The following SNAP23 variants were observed in gnomAD, a reference collection of about 807,000 sequenced individuals.
SNAP23 encodes the protein synaptosomal-associated protein 23.
A neutral mutation model predicts 29.0 loss-of-function variants in SNAP23; 11 were observed. That is an observed-to-expected ratio of 0.38 (90% CI 0.24 to 0.63). SNAP23 has a LOEUF of 0.63. Among genes scored for constraint, SNAP23 ranks in the 20% least tolerant of loss-of-function variants. The pLI, the probability that SNAP23 is intolerant of heterozygous loss-of-function variation, is 0.58. For missense variants in SNAP23, 220 were observed against 253.9 expected, an observed-to-expected ratio of 0.87 and a Z score of 0.91; for synonymous variants, 60 against 82.9, an observed-to-expected ratio of 0.72 and a Z score of 1.50.
intron 3 of SNAP23, 30 bp from the exon 4 acceptor site, chr15:42,513,369 G>A: frequency 6.2e-7 from 1 of 1,605,248 alleles, no homozygotes; most frequent in African/African-American, 1.3e-5. Flanking sequence ...TTGTTTTGTT[G>A]TACTATCAGC....
At chr15:42,502,747 A>G (rs2057284086) in intron 1 of SNAP23, among the ~76,000 whole-genome samples, 1 of 152,138 alleles carries the variant, frequency 6.6e-6, no homozygotes, top group Admixed American at 6.6e-5. Context: ...TCTTTCACAT[A>G]GAACGTCCCC....
chr15:42,506,778 AT>A (rs1202486927), intron 1 of SNAP23, among the ~76,000 whole-genome samples: 1 of 151,098 alleles, frequency 6.6e-6, no homozygotes, highest in East Asian at 2.0e-4. Flanking sequence ...CATATGATCT[AT>A]TGTTTGTTAA....
chr15:42,507,767 A>C (rs957525591), intron 1 of SNAP23, among the ~76,000 whole-genome samples: 2 of 152,288 alleles, frequency 1.3e-5, no homozygotes, highest in Non-Finnish European at 2.9e-5. Flanking sequence ...GAACTTGAGG[A>C]GTATTATTCC....
At chr15:42,520,045 C>CTTTTTT (rs201577060) in intron 5 of SNAP23, among the ~76,000 whole-genome samples, 82 of 92,956 alleles carry the variant, frequency 8.8e-4, no homozygotes, top group African/African-American at 1.5e-3. Flanking sequence ...AACCCCCTTG[C>CTTTTTT]TTTTTTTTTT....
intron 4 of SNAP23, among the ~76,000 whole-genome samples, chr15:42,514,343 T>C (rs142659590): frequency 1.2e-3 from 182 of 152,188 alleles, no homozygotes; most frequent in African/African-American, 4.2e-3. Context: ...GGTTTCACCA[T>C]GTTGGCCAGG....
chr15:42,518,128 T>C (rs1283070610), intron 5 of SNAP23, among the ~76,000 whole-genome samples: 4 of 152,200 alleles, frequency 2.6e-5, no homozygotes, highest in Non-Finnish European at 5.9e-5. Flanking sequence ...AGATGTCTGA[T>C]TGTAATTGTC....
At position 42,531,786 on chromosome 15, in the gene SNAP23, A is replaced by G. The variant is rs534175283; in HGVS notation, c.*308A>G. 70 of 210,218 alleles carry G rather than the reference A, an allele frequency of 3.3e-4. No individual in the cohort carries two copies. The highest frequency in any genetic ancestry group is 1.6e-3 in the African/African-American group (69 of 43,768). 13.0% of individuals were successfully genotyped at this position (210,218 alleles called of 1,614,324 possible). On this transcript the variant is annotated 3_prime_UTR_variant, in exon 8 of 8. Coordinates refer to ENST00000249647, the MANE Select transcript of SNAP23 (RefSeq NM_003825.4). ...TCTTTTGCTTTCAAGATTTGGAAGC[A>G]TTGCCAAAGACAGCCATGAAGAAGG...
At chr15:42,503,886 GAA>G (rs2141508732) in intron 1 of SNAP23, among the ~76,000 whole-genome samples, 1 of 152,214 alleles carries the variant, frequency 6.6e-6, no homozygotes, top group South Asian at 2.1e-4. Context: ...ATGGTAAAAA[GAA>G]AAGAGTTTTT....
intron 5 of SNAP23, among the ~76,000 whole-genome samples, chr15:42,519,418 C>A (rs1458102504): frequency 6.7e-6 from 1 of 150,202 alleles, no homozygotes; most frequent in Non-Finnish European, 1.5e-5. Flanking sequence ...GTCACCCAGA[C>A]TGGAGTGCAG....
At position 42,532,535 on chromosome 15, in the gene SNAP23, A is replaced by C. The variant is rs1213688927; in HGVS notation, c.*1057A>C. 6.6e-6 allele frequency: 1 copy of C among 152,634 alleles called. No homozygotes were observed. The highest frequency in any genetic ancestry group is 1.5e-5 in the Non-Finnish European group (1 of 68,050). The allele number at this position is 152,634 out of a possible 1,614,324, so 9.5% of individuals were successfully genotyped here. ...ATATTATTAGTAGTATCATGGTTCC[A>C]TTACAGGCCTATTAACATCATACAT... is the stretch of plus-strand genomic sequence containing the variant. On this transcript the variant is annotated 3_prime_UTR_variant, in exon 8 of 8. Transcript: ENST00000249647.
Position 42,513,053 on chromosome 15 carries a change from A to T in SNAP23, c.99+57A>T. ...AGAAATTTATAGGAGCGATCCTAAT[A>T]CTTCTGGCTGGAATTAGTATTAAAG... is the stretch of plus-strand genomic sequence containing the variant. On this transcript the variant is annotated intron_variant, in intron 3 of 7. Coordinates refer to ENST00000249647, the MANE Select transcript of SNAP23 (RefSeq NM_003825.4). 2.4e-6 allele frequency: 3 copies of T among 1,227,000 alleles called. No individual in the cohort carries two copies. The South Asian group carries it at 3.6e-5, about 15-fold the overall frequency. The allele number at this position is 1,227,000 out of a possible 1,614,324, so 76.0% of individuals were successfully genotyped here.
At chr15:42,510,076 T>TA (rs1396623749) in intron 1 of SNAP23, among the ~76,000 whole-genome samples, 2 of 151,452 alleles carry the variant, frequency 1.3e-5, no homozygotes, top group Non-Finnish European at 2.9e-5. Context: ...CTCAAAAAAA[T>TA]AAAAAAAATA....
At chr15:42,529,621 G>T (rs1406362064) in intron 6 of SNAP23, 54 bp from the exon 7 acceptor site, 1 of 1,579,164 alleles carries the variant, frequency 6.3e-7, no homozygotes, top group East Asian at 2.2e-5. Context: ...AGTAAATCCA[G>T]ACTTTTATTT....
chr15:42,515,953 T>G (rs2057393551), intron 5 of SNAP23, among the ~76,000 whole-genome samples: 1 of 152,104 alleles, frequency 6.6e-6, no homozygotes, highest in Non-Finnish European at 1.5e-5. Flanking sequence ...GGAGGAACAG[T>G]GAGGGCATTT....
Position 42,511,874 on chromosome 15 carries a change from C to A in SNAP23, c.28C>A (p.Gln10Lys). The A allele has an allele frequency of 6.3e-7, 1 of 1,597,328 alleles. No homozygotes were observed. The highest frequency in any genetic ancestry group is 1.1e-5 in the South Asian group (1 of 87,482). The change falls in exon 2 of 8, where the codon CAA (glutamine) becomes AAA (lysine). Residue 10 changes from glutamine to lysine, a missense_variant. Gln to Lys is a moderately conservative substitution (Grantham distance 53). Coordinates refer to ENST00000249647, the MANE Select transcript of SNAP23 (RefSeq NM_003825.4). ...GGATAATCTGTCATCAGAAGAAATT[C>A]AACAGAGAGCTCACCAGATTACTGA... is the stretch of plus-strand genomic sequence containing the variant. MDNLSSEEI[Q>K]QRAHQITDES...
chr15:42,511,811 T>A (rs762598444), intron 1 of SNAP23, 22 bp from the exon 2 acceptor site: 3 of 1,452,148 alleles, frequency 2.1e-6, no homozygotes, highest in Non-Finnish European at 2.8e-6. Flanking sequence ...AATATCCACA[T>A]TTCCATTTCT....
chr15:42,491,787 G>T (rs1011161697), upstream of SNAP23, among the ~76,000 whole-genome samples: 4 of 152,140 alleles, frequency 2.6e-5, no homozygotes, highest in Non-Finnish European at 5.9e-5. Context: ...TCACCATGTT[G>T]CCCAGGCTGG....
intron 2 of SNAP23, chr15:42,512,374 C>CTTTTTT (rs5812224): frequency 2.1e-5 from 2 of 96,486 alleles, no homozygotes; most frequent in African/African-American, 3.7e-5. Context: ...GATCAACTTA[C>CTTTTTT]TTTTTTTTTT....
intron 1 of SNAP23, among the ~76,000 whole-genome samples, chr15:42,506,448 C>T (rs981758557): frequency 6.6e-6 from 1 of 152,158 alleles, no homozygotes; most frequent in Non-Finnish European, 1.5e-5. Context: ...GTTGTGTTGC[C>T]TAGGCTGGTC....
Sources: gnomAD v4.1 joint callset for allele counts (sites outside exome capture counted in the v4.1 genomes callset) on GRCh38, gnomAD v4.1.1 for gene constraint, MANE v1.5 for transcripts, NCBI Gene and HGNC (gene_info 2026-07-23, HGNC 2026-07-21) for gene names.